Variants in ATP8A1 observed in about 807,000 individuals in gnomAD.
ATP8A1 encodes phospholipid-transporting ATPase IA.
Under a neutral mutation model 177.7 loss-of-function variants are expected in ATP8A1, and 90 were observed. The ratio of observed to expected loss-of-function variants is 0.51; its 90% confidence interval spans 0.43 to 0.60. ATP8A1 has a LOEUF of 0.60. ATP8A1 is among the 20% of genes least tolerant of loss of function. The probability of loss-of-function intolerance (pLI) is 0.00; values close to 1 mark genes in which losing one functional copy is unlikely to be tolerated. For synonymous variants in ATP8A1, 493 were observed against 485.9 expected (o/e 1.01, Z -0.19); for missense variants, 1,072 against 1,392.8 (o/e 0.77, Z 3.67).
At chr4:42,555,089 C>CTATCTA (rs1172354531) in intron 16 of ATP8A1, among the ~76,000 whole-genome samples, 21 of 69,544 alleles carry the variant, frequency 3.0e-4, no homozygotes, top group African/African-American at 1.3e-3. Context: ...GTGTGTGTAT[C>CTATCTA]TATCTATCTA....
chr4:42,472,357 G>A, intron 25 of ATP8A1: 1 of 391,292 alleles, frequency 2.6e-6, no homozygotes, highest in Non-Finnish European at 5.0e-6. Flanking sequence ...TGTTAATTTT[G>A]AATTCCCAGA....
chr4:42,443,976 T>C (rs1299365669), intron 32 of ATP8A1, among the ~76,000 whole-genome samples: 1 of 152,212 alleles, frequency 6.6e-6, no homozygotes, highest in Non-Finnish European at 1.5e-5. Context: ...GCCTTACTCT[T>C]GGTCTGCATG....
intron 1 of ATP8A1, among the ~76,000 whole-genome samples, chr4:42,637,356 C>A (rs1272443250): frequency 6.6e-6 from 1 of 152,178 alleles, no homozygotes; most frequent in East Asian, 1.9e-4. Context: ...AAGGAACTTG[C>A]ACAATAGCCA....
At chr4:42,572,692 G>T (rs535376239) in intron 14 of ATP8A1, among the ~76,000 whole-genome samples, 4 of 152,244 alleles carry the variant, frequency 2.6e-5, no homozygotes, top group South Asian at 2.1e-4. Flanking sequence ...ACAGATTTCG[G>T]CTTATACAGT....
At chr4:42,517,549 A>C (rs938941727) in intron 22 of ATP8A1, among the ~76,000 whole-genome samples, 2 of 152,236 alleles carry the variant, frequency 1.3e-5, no homozygotes, top group Admixed American at 1.3e-4. Context: ...GTGAGTCAAG[A>C]CAACTGAAAT....
chr4:42,578,413 C>T (rs1262121621), intron 11 of ATP8A1, 26 bp from the exon 12 acceptor site: 2 of 1,603,266 alleles, frequency 1.2e-6, no homozygotes. Flanking sequence ...GGAAGAACGT[C>T]ATTTACAGTT....
chr4:42,503,331 C>T, intron 24 of ATP8A1, 119 bp downstream of exon 24: 2 of 577,352 alleles, frequency 3.5e-6, no homozygotes, highest in South Asian at 6.0e-5. Flanking sequence ...AACAGAACAA[C>T]AGTGATAAGG....
At chr4:42,506,766 C>A (rs1724407352) in intron 23 of ATP8A1, among the ~76,000 whole-genome samples, 1 of 152,146 alleles carries the variant, frequency 6.6e-6, no homozygotes, top group South Asian at 2.1e-4. Context: ...CTTAAAATAA[C>A]CTTTGGTCAC....
chr4:42,561,634 G>A (rs1443717680), intron 15 of ATP8A1: 1 of 152,226 alleles, frequency 6.6e-6, no homozygotes, highest in Non-Finnish European at 1.5e-5. Context: ...TAAGACTTGT[G>A]AGACTTTTGT....
chr4:42,567,918 T>G (rs931860487), intron 15 of ATP8A1, among the ~76,000 whole-genome samples: 2 of 152,178 alleles, frequency 1.3e-5, no homozygotes, highest in Non-Finnish European at 2.9e-5. Context: ...CTGAGTTATT[T>G]TAGAGGATAT....
In ATP8A1 at chr4:42,656,831, C is replaced by T; in HGVS notation, c.43G>A (p.Ala15Thr). ...RRTVSEIRSR[A>T]EGYEKTDDVS... ...AGCCTCGGCGGCCCCTTACCTTCGG[C>T]GCGCGAGCGGATCTCCGACACGGTC... Residue 15 changes from alanine to threonine, a missense_variant, in exon 1 of 37, where the codon GCC becomes ACC. This residue lies in a region of ATP8A1 where 344 missense variants were observed against 393.5 expected (regional missense o/e 0.87). Transcript: ENST00000381668. 1 of 1,578,522 alleles carries T rather than the reference C, an allele frequency of 6.3e-7. No homozygotes were observed. Among genetic ancestry groups the T allele is most frequent in the Non-Finnish European group, 8.6e-7 (1 of 1,162,468 alleles).
intron 25 of ATP8A1, among the ~76,000 whole-genome samples, chr4:42,472,791 G>A (rs1302478524): frequency 6.7e-6 from 1 of 149,258 alleles, no homozygotes; most frequent in African/African-American, 2.4e-5. Flanking sequence ...AAAGAGCATG[G>A]TTGAGGCAGT....
intron 25 of ATP8A1, among the ~76,000 whole-genome samples, chr4:42,475,290 T>C (rs7688126): frequency 0.038 from 5,804 of 152,144 alleles, 369 homozygotes; most frequent in African/African-American, 0.13. Flanking sequence ...CTCAGGACCA[T>C]AGGTGTATGC....
At chr4:42,490,259 T>C (rs554403281) in intron 24 of ATP8A1, among the ~76,000 whole-genome samples, 9 of 152,200 alleles carry the variant, frequency 5.9e-5, no homozygotes, top group Non-Finnish European at 1.2e-4. Flanking sequence ...CTTTCTTGCC[T>C]TGCAAATTCA....
In ATP8A1 at chr4:42,443,604, C is replaced by A; in HGVS notation, c.3084G>T (p.Leu1028=). The A allele has an allele frequency of 6.5e-7, 1 of 1,536,876 alleles. No individual in the cohort carries two copies. Among genetic ancestry groups the A allele is most frequent in the Non-Finnish European group, 9.0e-7 (1 of 1,109,498 alleles). Residue 1028 remains leucine (L), a synonymous_variant, in exon 33 of 37, where the codon CTG becomes CTT. Coordinates refer to ENST00000381668, the MANE Select transcript of ATP8A1 (RefSeq NM_006095.2). ...WVVFFGIYSS[L]WPAIPMAPDM... Reference sequence around the variant, plus strand: ...CAGGGGCCATCGGAATGGCAGGCCACAGAGATGAGTAGATTCCAAAAAACA... The same window carrying A: ...CAGGGGCCATCGGAATGGCAGGCCAAAGAGATGAGTAGATTCCAAAAAACA...
chr4:42,507,779 C>CT (rs1317650516), intron 22 of ATP8A1, among the ~76,000 whole-genome samples: 2 of 4,786 alleles, frequency 4.2e-4, no homozygotes, highest in African/African-American at 6.5e-4. Context: ...GACAGGCATT[C>CT]TAAAAAAAAA....
intron 1 of ATP8A1, chr4:42,637,057 C>G (rs1739465759): frequency 2.0e-6 from 1 of 502,140 alleles, no homozygotes; most frequent in Admixed American, 2.0e-5. Flanking sequence ...AGTCCTGTCC[C>G]AACACCCATC....
At chr4:42,452,345 A>T (rs1468744307) in intron 29 of ATP8A1, among the ~76,000 whole-genome samples, 1 of 152,098 alleles carries the variant, frequency 6.6e-6, no homozygotes, top group Non-Finnish European at 1.5e-5. Context: ...AATTTAAAAT[A>T]AAAAAATGCA....
chr4:42,585,004 C>G (rs1560487630), intron 9 of ATP8A1, among the ~76,000 whole-genome samples: 1 of 152,122 alleles, frequency 6.6e-6, no homozygotes, highest in Non-Finnish European at 1.5e-5. Flanking sequence ...TCATAGCACT[C>G]CAACCACACT....
Sources: allele counts gnomAD v4.1 joint callset (sites outside exome capture counted in the v4.1 genomes callset), GRCh38; gene constraint gnomAD v4.1.1; regional missense constraint gnomAD v4.1.1; transcripts MANE v1.5; gene names NCBI Gene and HGNC (gene_info 2026-07-23, HGNC 2026-07-21).